Variants in NALCN observed in about 807,000 individuals in gnomAD.
NALCN encodes the protein sodium leak channel NALCN.
In NALCN, 111 loss-of-function variants were observed where a neutral mutation model predicts 225.3. The observed-to-expected ratio is 0.49, with a 90% CI of 0.42 to 0.58. The LOEUF is 0.58. Among genes scored for constraint, NALCN ranks in the 20% least tolerant of loss-of-function variants. The pLI, the probability that NALCN is intolerant of heterozygous loss-of-function variation, is 0.00. For missense variants in NALCN, 1,378 were observed against 2,202.4 expected (o/e 0.63, Z 7.49); for synonymous variants, 764 against 769.0 (o/e 0.99, Z 0.11).
chr13:101,220,603 G>A (rs1329549863), intron 13 of NALCN, among the ~76,000 whole-genome samples: 1 of 152,156 alleles, frequency 6.6e-6, no homozygotes, highest in African/African-American at 2.4e-5. Flanking sequence ...ACCATTGTCA[G>A]CTGCTGAATA....
At chr13:101,305,472 C>A (rs1480857016) in intron 7 of NALCN, among the ~76,000 whole-genome samples, 1 of 152,054 alleles carries the variant, frequency 6.6e-6, no homozygotes, top group Non-Finnish European at 1.5e-5. Context: ...CAAGACAATT[C>A]TTTCATTTGG....
At chr13:101,092,038 T>A (rs2034259646) in intron 28 of NALCN, among the ~76,000 whole-genome samples, 1 of 152,226 alleles carries the variant, frequency 6.6e-6, no homozygotes. Flanking sequence ...TACCTGTAAC[T>A]ACGGAGTCCT....
intron 6 of NALCN, among the ~76,000 whole-genome samples, chr13:101,355,905 C>A (rs1287668897): frequency 1.3e-5 from 2 of 152,174 alleles, no homozygotes; most frequent in Non-Finnish European, 2.9e-5. Flanking sequence ...TCACTCAAAA[C>A]AACACAATTA....
chr13:101,221,153 A>T (rs988621842), intron 13 of NALCN, among the ~76,000 whole-genome samples: 1 of 149,122 alleles, frequency 6.7e-6, no homozygotes, highest in African/African-American at 2.5e-5. Context: ...GTCCTTTTGA[A>T]TTTTTTTTTT....
chr13:101,346,283 A>C (rs1163442401), intron 6 of NALCN, among the ~76,000 whole-genome samples: 1 of 151,974 alleles, frequency 6.6e-6, no homozygotes, highest in Admixed American at 6.6e-5. Context: ...TTTTGCCATT[A>C]CAGACTGAGA....
intron 7 of NALCN, among the ~76,000 whole-genome samples, chr13:101,328,014 G>C (rs539557319): frequency 4.6e-5 from 7 of 152,254 alleles, no homozygotes; most frequent in Admixed American, 1.3e-4. Context: ...GCAGGGAGTT[G>C]CGATAAAACT....
chr13:101,083,629 T>C (rs2033778628), intron 31 of NALCN, 82 bp downstream of exon 31: 4 of 1,386,654 alleles, frequency 2.9e-6, no homozygotes, highest in African/African-American at 1.4e-5. Flanking sequence ...CTCACGATTA[T>C]TATTTTAATT....
chr13:101,188,862 A>G (rs2039563784), intron 14 of NALCN, among the ~76,000 whole-genome samples: 1 of 151,730 alleles, frequency 6.6e-6, no homozygotes, highest in Non-Finnish European at 1.5e-5. Flanking sequence ...AATATTTTGT[A>G]TTTTTAGTAG....
chr13:101,379,941 A>G (rs1007490039), intron 3 of NALCN, among the ~76,000 whole-genome samples: 2 of 148,598 alleles, frequency 1.3e-5, no homozygotes, highest in Non-Finnish European at 3.0e-5. Context: ...GTTCAAAGAG[A>G]CTTACAGTTC....
chr13:101,345,418 T>C lies in NALCN; in HGVS notation c.647A>G (p.Asn216Ser). The change falls in exon 7 of 44, where the codon AAT becomes AGT. Residue 216 changes from asparagine (N) to serine (S), a missense_variant and splice_region_variant. Asn to Ser is a conservative substitution (Grantham distance 46). Transcript: ENST00000251127. ...HCVVNDTKPG[N>S]VTWNSLAIPD... ...AATAGCTAAACTATTCCAGGTTACATTCCTGTGAACAACACATGAAAGTGT... is the reference window on the plus strand; with the variant it reads ...AATAGCTAAACTATTCCAGGTTACACTCCTGTGAACAACACATGAAAGTGT... The C allele has an allele frequency of 6.8e-6, 11 of 1,612,466 alleles. No homozygotes were observed. The highest frequency in any genetic ancestry group is 9.3e-6 in the Non-Finnish European group (11 of 1,179,236).
In NALCN at chr13:101,399,059, G is replaced by A. The variant is rs775542446; in HGVS notation, c.68C>T (p.Ser23Phe). ...QPVTDFGPDE[S>F]LSDNADILWI... ...GAGGATGTCAGCATTATCCGACAGAGACTCATCAGGACCAAAGTCAGTGAC... is the reference window on the plus strand; with the variant it reads ...GAGGATGTCAGCATTATCCGACAGAAACTCATCAGGACCAAAGTCAGTGAC... The change falls in exon 2 of 44, where the codon TCT becomes TTT. Residue 23 changes from serine to phenylalanine, a missense_variant. Coordinates refer to ENST00000251127, the MANE Select transcript of NALCN (RefSeq NM_052867.4). 6.2e-7 allele frequency: 1 copy of A among 1,613,136 alleles called. No individual in the cohort carries two copies. Among genetic ancestry groups the A allele is most frequent in the Non-Finnish European group, 8.5e-7 (1 of 1,179,214 alleles).
At chr13:101,373,652 C>T (rs557451638) in intron 6 of NALCN, among the ~76,000 whole-genome samples, 24 of 152,294 alleles carry the variant, frequency 1.6e-4, no homozygotes, top group African/African-American at 5.8e-4. Flanking sequence ...GCTCACATCC[C>T]ACTTAACGGA....
In NALCN at chr13:101,209,134, G is replaced by C. The variant is rs151216446; in HGVS notation, c.1627-17080C>G. Among the ~76,000 whole-genome samples, 82 of 152,044 alleles carry C rather than the reference G, an allele frequency of 5.4e-4. No individual in the cohort carries two copies. In the East Asian group the frequency reaches 0.015, roughly 28 times the overall value. ...TGAAGTCGTTTTGAGAATTATATTA[G>C]ATATATGTGGATATCTATGTGTGTG... On this transcript the variant is annotated intron_variant, in intron 13 of 43. Coordinates refer to ENST00000251127, the MANE Select transcript of NALCN (RefSeq NM_052867.4).
chr13:101,192,274 G>T (rs1045921849), intron 13 of NALCN, among the ~76,000 whole-genome samples: 1 of 152,132 alleles, frequency 6.6e-6, no homozygotes, highest in East Asian at 1.9e-4. Context: ...TAATTACCCT[G>T]AATTAAAATT....
chr13:101,057,654 G>T, intron 43 of NALCN: 1 of 419,326 alleles, frequency 2.4e-6, no homozygotes, highest in Non-Finnish European at 4.4e-6. Flanking sequence ...GAAAGCCCTT[G>T]GAAATTTCTC....
chr13:101,371,584 A>C (rs1356915812), intron 6 of NALCN, among the ~76,000 whole-genome samples: 2 of 152,172 alleles, frequency 1.3e-5, no homozygotes, highest in Admixed American at 1.3e-4. Context: ...ACCATCCTCT[A>C]TTCCCCCAAA....
chr13:101,334,841 T>C (rs563248215), intron 7 of NALCN, among the ~76,000 whole-genome samples: 6 of 151,980 alleles, frequency 3.9e-5, no homozygotes, highest in Non-Finnish European at 8.8e-5. Context: ...GAAAAACATG[T>C]TATAACATAC....
At chr13:101,124,737 G>A in intron 17 of NALCN, 56 bp from the exon 18 acceptor site, 1 of 1,359,550 alleles carries the variant, frequency 7.4e-7, no homozygotes, top group South Asian at 1.2e-5. Flanking sequence ...ATAATATACT[G>A]TCAAATCATT....
chr13:101,208,374 A>G (rs1207936698), intron 13 of NALCN, among the ~76,000 whole-genome samples: 1 of 151,998 alleles, frequency 6.6e-6, no homozygotes, highest in Admixed American at 6.6e-5. Context: ...CTCTAGACAC[A>G]CCATCTTTAA....
Sources: allele counts gnomAD v4.1 joint callset (sites outside exome capture counted in the v4.1 genomes callset), GRCh38; gene constraint gnomAD v4.1.1; transcripts MANE v1.5; gene names NCBI Gene and HGNC (gene_info 2026-07-23, HGNC 2026-07-21).